The following DOCK1 variants were observed in gnomAD, a reference collection of about 807,000 sequenced individuals.
The protein encoded by DOCK1 is dedicator of cytokinesis 1.
A neutral mutation model predicts 262.7 loss-of-function variants in DOCK1; 138 were observed. That is an observed-to-expected ratio of 0.53 (90% CI 0.46 to 0.61). The LOEUF (loss-of-function observed/expected upper bound fraction) is 0.61, where lower values mean the gene tolerates loss of function less well. Ranked by LOEUF, DOCK1 falls within the 20% of genes least tolerant of loss-of-function variation. The pLI is 0.00. For synonymous variants in DOCK1, 866 were observed against 867.4 expected, an observed-to-expected ratio of 1.00 and a Z score of 0.03; for missense variants, 1,908 against 2,370.7, an observed-to-expected ratio of 0.80 and a Z score of 4.05.
chr10:127,361,444 A>T (rs2064441285), intron 32 of DOCK1, among the ~76,000 whole-genome samples: 1 of 152,122 alleles, frequency 6.6e-6, no homozygotes, highest in South Asian at 2.1e-4. Context: ...GCATTTTCCT[A>T]TCAAACAATA....
chr10:127,063,717 G>A (rs1422315995), intron 23 of DOCK1, among the ~76,000 whole-genome samples: 1 of 152,224 alleles, frequency 6.6e-6, no homozygotes, highest in Non-Finnish European at 1.5e-5. Context: ...GAGCCCAGCA[G>A]TAATTTTAGA....
At chr10:127,397,289 G>C (rs1394593718) in intron 38 of DOCK1, among the ~76,000 whole-genome samples, 5 of 140,826 alleles carry the variant, frequency 3.6e-5, no homozygotes, top group Non-Finnish European at 3.1e-5. Flanking sequence ...ATCTGAGCAT[G>C]AGTTACACGG....
intron 24 of DOCK1, among the ~76,000 whole-genome samples, chr10:127,109,390 GTAT>G (rs1005100984): frequency 2.0e-5 from 3 of 152,124 alleles, no homozygotes; most frequent in African/African-American, 4.8e-5. Flanking sequence ...CTTTATTGTG[GTAT>G]TATTTACAAA....
chr10:127,023,421 G>T (rs878857971), intron 14 of DOCK1, 97 bp downstream of exon 14: 2 of 1,480,320 alleles, frequency 1.4e-6, no homozygotes, highest in Non-Finnish European at 1.8e-6. Flanking sequence ...TCAGGGTGGG[G>T]CTTTGGAGTC....
At chr10:127,008,832 G>A in intron 11 of DOCK1, 28 bp downstream of exon 11, 1 of 1,554,264 alleles carries the variant, frequency 6.4e-7, no homozygotes, top group Admixed American at 1.8e-5. Context: ...CAAGTACTTA[G>A]CCAGATATAA....
At chr10:126,938,313 G>T (rs2034695827) in intron 1 of DOCK1, among the ~76,000 whole-genome samples, 1 of 152,206 alleles carries the variant, frequency 6.6e-6, no homozygotes. Context: ...ATCCCAAAGT[G>T]CTGGGATTAC....
chr10:127,006,550 C>T (rs1397366214), intron 10 of DOCK1, among the ~76,000 whole-genome samples: 1 of 152,206 alleles, frequency 6.6e-6, no homozygotes, highest in Non-Finnish European at 1.5e-5. Context: ...AGGGAGCACT[C>T]CCTCTGCGTG....
At chr10:127,111,547 C>T (rs1252815449) in intron 25 of DOCK1, among the ~76,000 whole-genome samples, 2 of 152,156 alleles carry the variant, frequency 1.3e-5, no homozygotes, top group Non-Finnish European at 2.9e-5. Flanking sequence ...TGCCCACTCA[C>T]CAGGTGTTTT....
chr10:127,192,487 G>A (rs2056826791), intron 27 of DOCK1: 2 of 152,176 alleles, frequency 1.3e-5, no homozygotes, highest in South Asian at 4.1e-4. Flanking sequence ...TTCAGGTAGT[G>A]ATTTGTCATC....
At chr10:127,113,155 A>G (rs943131488) in intron 25 of DOCK1, among the ~76,000 whole-genome samples, 2 of 152,174 alleles carry the variant, frequency 1.3e-5, no homozygotes, top group African/African-American at 2.4e-5. Context: ...GTTAATTTGT[A>G]CAAATGTGGT....
rs977131888 is a variant in DOCK1 at position 126,990,342 on chromosome 10, C to A, written c.325-113C>A. On this transcript the variant is annotated intron_variant, in intron 5 of 51. Coordinates refer to ENST00000623213, the MANE Select transcript of DOCK1 (RefSeq NM_001290223.2). ...CCTTTTAATTCAACATTAACTAAAT[C>A]TCATGATCTAGTGCTTATACCTCAT... 8 of 1,064,392 alleles carry A rather than the reference C, an allele frequency of 7.5e-6. No homozygotes were observed. In the African/African-American group the frequency reaches 1.1e-4, roughly 15 times the overall value. The allele number at this position is 1,064,392 out of a possible 1,614,324, so 65.9% of individuals were successfully genotyped here.
chr10:127,095,119 T>C (rs945823596), intron 23 of DOCK1, among the ~76,000 whole-genome samples: 2 of 152,162 alleles, frequency 1.3e-5, no homozygotes, highest in African/African-American at 4.8e-5. Context: ...GGCAAGTGGA[T>C]TGTGGGAGGT....
intron 21 of DOCK1, among the ~76,000 whole-genome samples, chr10:127,043,434 C>T (rs540041764): frequency 2.8e-4 from 43 of 152,314 alleles, no homozygotes; most frequent in Middle Eastern, 3.4e-3. Flanking sequence ...ACTTTATGTT[C>T]GATGAAACTG....
chr10:127,321,828 C>T (rs377301672), intron 29 of DOCK1, among the ~76,000 whole-genome samples: 11 of 152,122 alleles, frequency 7.2e-5, no homozygotes, highest in Admixed American at 2.0e-4. Flanking sequence ...AGAGGCTGGG[C>T]GCAGTGGCTC....
At chr10:127,403,683 C>T (rs1320873356) in intron 39 of DOCK1, among the ~76,000 whole-genome samples, 2 of 152,152 alleles carry the variant, frequency 1.3e-5, no homozygotes, top group Non-Finnish European at 2.9e-5. Flanking sequence ...CGCTTGAACC[C>T]AGGAGGTGGA....
At chr10:127,195,334 C>T (rs1375668136) in intron 27 of DOCK1, among the ~76,000 whole-genome samples, 1 of 152,194 alleles carries the variant, frequency 6.6e-6, no homozygotes, top group Non-Finnish European at 1.5e-5. Flanking sequence ...TGGTTTCCCA[C>T]GCCTGTCCCG....
intron 27 of DOCK1, among the ~76,000 whole-genome samples, chr10:127,185,340 A>G (rs568958806): frequency 6.6e-6 from 1 of 152,252 alleles, no homozygotes; most frequent in East Asian, 1.9e-4. Flanking sequence ...CATCCTGGCC[A>G]ACATGGTGAA....
chr10:127,229,452 T>G (rs186815370), intron 27 of DOCK1, among the ~76,000 whole-genome samples: 13 of 152,220 alleles, frequency 8.5e-5, no homozygotes, highest in Non-Finnish European at 1.8e-4. Flanking sequence ...GAGTTCGACT[T>G]GTAGAGTCCA....
At chr10:127,076,301 A>G (rs1202467900) in intron 23 of DOCK1, among the ~76,000 whole-genome samples, 2 of 152,206 alleles carry the variant, frequency 1.3e-5, no homozygotes, top group African/African-American at 2.4e-5. Flanking sequence ...GTAGATCAAG[A>G]CCATCCTGGC....
Sources: allele counts gnomAD v4.1 joint callset (sites outside exome capture counted in the v4.1 genomes callset), GRCh38; gene constraint gnomAD v4.1.1; transcripts MANE v1.5; gene names NCBI Gene and HGNC (gene_info 2026-07-23, HGNC 2026-07-21).